CFHR5: variants seen among roughly 807,000 people sequenced by gnomAD.
CFHR5 encodes the protein complement factor H-related protein 5.
Under a neutral mutation model 62.9 loss-of-function variants are expected in CFHR5, and 73 were observed. That is an observed-to-expected ratio of 1.16 (90% CI 0.96 to 1.41). The LOEUF (loss-of-function observed/expected upper bound fraction) is 1.41, where lower values mean the gene tolerates loss of function less well. CFHR5 is among the 40% of genes most tolerant of loss of function. The probability of loss-of-function intolerance (pLI) is 0.00; values close to 1 mark genes in which losing one functional copy is unlikely to be tolerated. For missense variants in CFHR5, 779 were observed against 679.9 expected (o/e 1.15, Z -1.62); for synonymous variants, 249 against 227.2 (o/e 1.10, Z -0.86).
At chr1:197,007,753 A>G (rs888668521) in intron 9 of CFHR5, among the ~76,000 whole-genome samples, 1 of 147,464 alleles carries the variant, frequency 6.8e-6, no homozygotes. Flanking sequence ...ATGTATACAT[A>G]TAATATACAT....
chr1:197,005,732 C>A (rs1213306772), intron 9 of CFHR5, among the ~76,000 whole-genome samples: 1 of 152,172 alleles, frequency 6.6e-6, no homozygotes, highest in Non-Finnish European at 1.5e-5. Flanking sequence ...ACAGTTCTCA[C>A]TGTTGCCCAA....
intron 1 of CFHR5, among the ~76,000 whole-genome samples, chr1:196,981,652 C>T (rs1653544422): frequency 6.6e-6 from 1 of 151,902 alleles, no homozygotes; most frequent in South Asian, 2.1e-4. Context: ...TCCTCAGTAT[C>T]ATTAGTATCC....
intron 4 of CFHR5, among the ~76,000 whole-genome samples, chr1:196,994,513 C>T (rs1452151861): frequency 6.6e-6 from 1 of 152,014 alleles, no homozygotes; most frequent in Non-Finnish European, 1.5e-5. Context: ...ATTGAGACGT[C>T]TTAGGATTTT....
chr1:197,008,087 A>G (rs1254978563), intron 9 of CFHR5, among the ~76,000 whole-genome samples: 1 of 150,132 alleles, frequency 6.7e-6, no homozygotes, highest in Non-Finnish European at 1.5e-5. Context: ...TTTTTTCTAC[A>G]GAAATCAAGG....
rs752717308 is a variant in CFHR5, at chr1:196,983,092, C to T, written c.253+13C>T. On this transcript the variant is annotated intron_variant, in intron 2 of 9. Coordinates refer to ENST00000256785, the MANE Select transcript of CFHR5 (RefSeq NM_030787.4). ...CCGAAGTGTCTCAGTGAGTAAATGC[C>T]CTGTTCATTAAATGGATGTCATTCA... is the stretch of plus-strand genomic sequence containing the variant. 1.9e-6 allele frequency: 3 copies of T among 1,613,676 alleles called. No individual in the cohort carries two copies. Among genetic ancestry groups the T allele is most frequent in the East Asian group, 2.2e-5 (1 of 44,832 alleles).
At chr1:196,983,469 G>T (rs145659086) in intron 2 of CFHR5, among the ~76,000 whole-genome samples, 19 of 151,940 alleles carry the variant, frequency 1.3e-4, no homozygotes, top group African/African-American at 4.1e-4. Context: ...GTAAGGTTTG[G>T]TATTTTAACT....
At chr1:196,976,924 C>T (rs1227976069), upstream of CFHR5, among the ~76,000 whole-genome samples, 1 of 151,216 alleles carries the variant, frequency 6.6e-6, no homozygotes, top group Non-Finnish European at 1.5e-5. Flanking sequence ...CCTGCCTCAG[C>T]CTCCCGAGTA....
chr1:196,986,473 A>G (rs1338410437), intron 3 of CFHR5, among the ~76,000 whole-genome samples: 3 of 151,750 alleles, frequency 2.0e-5, no homozygotes, highest in African/African-American at 7.3e-5. Context: ...GCACCCATTA[A>G]CTCGTGATTT....
intron 3 of CFHR5, among the ~76,000 whole-genome samples, chr1:196,988,860 G>C (rs748623970): frequency 1.3e-5 from 2 of 152,032 alleles, no homozygotes; most frequent in Admixed American, 6.6e-5. Flanking sequence ...GCCAGTCTTT[G>C]GTACCAGGAT....
intron 9 of CFHR5, among the ~76,000 whole-genome samples, chr1:197,007,565 A>G (rs1654320255): frequency 1.3e-5 from 2 of 151,222 alleles, no homozygotes; most frequent in African/African-American, 4.8e-5. Flanking sequence ...TCTAATATAC[A>G]TACAAGTGTA....
chr1:196,996,308 T>C (rs1365925905), intron 6 of CFHR5, 107 bp downstream of exon 6: 2 of 846,650 alleles, frequency 2.4e-6, no homozygotes, highest in Non-Finnish European at 4.0e-6. Context: ...ATACTGACTC[T>C]TCCTTCCACA....
rs2125036471 is a variant in CFHR5 at position 196,998,228 on chromosome 1, C to T, written c.1071C>T (p.Tyr357=). The T allele has an allele frequency of 2.5e-6, 4 of 1,609,706 alleles. No homozygotes were observed. In the East Asian group the frequency reaches 8.9e-5, roughly 36 times the overall value. The change falls in exon 7 of 10, where the codon TAC becomes TAT. Residue 357 remains tyrosine, a synonymous_variant. Transcript: ENST00000256785. ...TTAATCATAATTCTAGAATACGTTACAGATGTTCAGACATCTTCAGATACA... is the reference window on the plus strand; with the variant it reads ...TTAATCATAATTCTAGAATACGTTATAGATGTTCAGACATCTTCAGATACA... The part of the protein sequence containing the change: ...KEFNHNSRIR[Y]RCSDIFRYRH...
upstream of CFHR5, among the ~76,000 whole-genome samples, chr1:196,975,998 T>A (rs965160302): frequency 2.0e-5 from 3 of 152,122 alleles, no homozygotes; most frequent in Admixed American, 6.6e-5. Context: ...TGAAAAAGTG[T>A]CAGGGTCATT....
At chr1:196,986,975 A>G (rs1653699939) in intron 3 of CFHR5, among the ~76,000 whole-genome samples, 1 of 152,120 alleles carries the variant, frequency 6.6e-6, no homozygotes, top group Non-Finnish European at 1.5e-5. Flanking sequence ...ACTAGTTTAC[A>G]CTCCCAACAA....
Position 196,984,048 on chromosome 1 carries a change from G to A in CFHR5, c.341G>A (p.Cys114Tyr). The A allele has an allele frequency of 6.2e-7, 1 of 1,613,270 alleles. No individual in the cohort carries two copies. The highest frequency in any genetic ancestry group is 8.5e-7 in the Non-Finnish European group (1 of 1,179,412). The change falls in exon 3 of 10, where the codon TGC becomes TAC. Residue 114 changes from cysteine (C) to tyrosine (Y), a missense_variant. Transcript: ENST00000256785. Reference sequence around the variant, plus strand: ...GAAGGTGATACTGTACAAATTATTTGCAACACAGGATACAGCCTTCAAAAC... The same window carrying A: ...GAAGGTGATACTGTACAAATTATTTACAACACAGGATACAGCCTTCAAAAC... Reference protein sequence around the residue: ...HLEGDTVQIICNTGYSLQNNE... With the variant: ...HLEGDTVQIIYNTGYSLQNNE...
rs750077898 is a variant in CFHR5 at position 196,998,263 on chromosome 1, T to C, written c.1106T>C (p.Val369Ala). The C allele has an allele frequency of 6.2e-7, 1 of 1,610,888 alleles. No individual in the cohort carries two copies. Among genetic ancestry groups the C allele is most frequent in the Non-Finnish European group, 8.5e-7 (1 of 1,178,012 alleles). The change falls in exon 7 of 10, where the codon GTC (valine) becomes GCC (alanine). Residue 369 changes from valine to alanine, a missense_variant. By Grantham distance (64) the Val-to-Ala change is moderately conservative. Transcript: ENST00000256785. Reference sequence around the variant, plus strand: ...GACATCTTCAGATACAGGCACTCAGTCTGTATAAACGGGAAATGGAATCCT... The same window carrying C: ...GACATCTTCAGATACAGGCACTCAGCCTGTATAAACGGGAAATGGAATCCT... ...CSDIFRYRHS[V>A]CINGKWNPEV...
chr1:197,008,978 AG>A lies in CFHR5; in HGVS notation c.*296del, dbSNP rs2125042004. 1 of 293,298 alleles carries A rather than the reference AG, an allele frequency of 3.4e-6. No individual in the cohort carries two copies. The highest frequency in any genetic ancestry group is 4.5e-5 in the Admixed American group (1 of 22,368). The allele number at this position is 293,298 out of a possible 1,614,324, so 18.2% of individuals were successfully genotyped here. A position where few individuals can be genotyped will look rare whatever the true frequency, so the allele number is the denominator to read the frequency against. On this transcript the variant is annotated 3_prime_UTR_variant, in exon 10 of 10. Coordinates refer to ENST00000256785, the MANE Select transcript of CFHR5 (RefSeq NM_030787.4). ...ATAAATCTAAAAGCTGAGAAGTCCA[AG>A]ATGGTGGGGCTGCCTCTGGTGAGGG...
chr1:196,985,393 G>A (rs1366079319), intron 3 of CFHR5, among the ~76,000 whole-genome samples: 1 of 151,932 alleles, frequency 6.6e-6, no homozygotes, highest in Non-Finnish European at 1.5e-5. Context: ...CTCTAGAAAT[G>A]GAGTCTTTTT....
chr1:196,991,180 C>T (rs1424199499), intron 3 of CFHR5, among the ~76,000 whole-genome samples: 1 of 152,138 alleles, frequency 6.6e-6, no homozygotes, highest in African/African-American at 2.4e-5. Context: ...GTACATGCAT[C>T]ACGTAGTTCT....
Sources: allele counts gnomAD v4.1 joint callset (sites outside exome capture counted in the v4.1 genomes callset), GRCh38; gene constraint gnomAD v4.1.1; transcripts MANE v1.5; gene names NCBI Gene and HGNC (gene_info 2026-07-23, HGNC 2026-07-21).